Variants in CDH4 observed in about 807,000 individuals in gnomAD.
The protein encoded by CDH4 is cadherin 4.
CDH4 carries 33 observed loss-of-function variants against 86.0 expected under a neutral mutation model. The ratio of observed to expected loss-of-function variants is 0.38; its 90% CI spans 0.29 to 0.51. The LOEUF is 0.51. Ranked by LOEUF, CDH4 falls within the 20% of genes least tolerant of loss-of-function variation. The pLI, the probability that CDH4 is intolerant of heterozygous loss-of-function variation, is 0.86. For missense variants in CDH4, 1,114 were observed against 1,307.4 expected (o/e 0.85, Z 2.28); for synonymous variants, 555 against 549.4 (o/e 1.01, Z -0.14).
chr20:61,912,160 C>T (rs907233382), intron 9 of CDH4, among the ~76,000 whole-genome samples: 4 of 152,208 alleles, frequency 2.6e-5, no homozygotes, highest in Non-Finnish European at 4.4e-5. Context: ...GCTCACCCCT[C>T]CTTTATTAAG....
At chr20:61,729,435 C>CT (rs886664878) in intron 2 of CDH4, among the ~76,000 whole-genome samples, 7 of 152,292 alleles carry the variant, frequency 4.6e-5, no homozygotes, top group East Asian at 1.9e-4. Context: ...TACACCTGCA[C>CT]TTTTTTTCTT....
intron 2 of CDH4, among the ~76,000 whole-genome samples, chr20:61,299,318 T>A (rs888815310): frequency 1.3e-5 from 2 of 152,100 alleles, no homozygotes; most frequent in African/African-American, 4.8e-5. Context: ...CTCCTCCCAA[T>A]GGGTCCCAGA....
In CDH4 at chr20:61,474,417, C is replaced by T. The variant is rs542636858; in HGVS notation, c.169+219480C>T. On this transcript the variant is annotated intron_variant, in intron 2 of 15. Coordinates refer to ENST00000614565, the MANE Select transcript of CDH4 (RefSeq NM_001794.5). ...CTAAAACTCCTGACCTCAGGCAATC[C>T]GCTCACCTCGGCCTCCCAAAGTGCT... Among the ~76,000 whole-genome samples the T allele has an allele frequency of 9.9e-5, 15 of 151,168 alleles. No homozygotes were observed. The East Asian group carries it at 2.3e-3, about 24-fold the overall frequency.
In CDH4 at chr20:61,681,640, C is replaced by T. The variant is rs533071893; in HGVS notation, c.170-61923C>T. Reference sequence around the variant, plus strand: ...GATCCCCCTGCAGGAAGCCCGGAATCCCTTCCACAGGCACAGAGCTGAGGG... The same window carrying T: ...GATCCCCCTGCAGGAAGCCCGGAATTCCTTCCACAGGCACAGAGCTGAGGG... On this transcript the variant is annotated intron_variant, in intron 2 of 15. Transcript: ENST00000614565. This position sits in a 1 kb window ranked among gnomAD's most constrained non-coding sequence, Gnocchi z 4.5. Among the ~76,000 whole-genome samples the T allele has an allele frequency of 3.3e-5, 5 of 152,328 alleles. No individual in the cohort carries two copies. In the East Asian group the frequency reaches 9.6e-4, roughly 29 times the overall value.
chr20:61,565,193 T>TTGGTGGTAGGTGGTGGTGGTGGTGG (rs1568688309), intron 2 of CDH4, among the ~76,000 whole-genome samples: 1 of 83,524 alleles, frequency 1.2e-5, no homozygotes, highest in African/African-American at 4.8e-5. Context: ...GGTGGTCCTC[T>TTGGTGGTAGGTGGTGGTGGTGGTGG]TGGTGGTGGT....
At chr20:61,606,122 G>A (rs959677437) in intron 2 of CDH4, among the ~76,000 whole-genome samples, 5 of 152,286 alleles carry the variant, frequency 3.3e-5, no homozygotes, top group Middle Eastern at 3.4e-3. Flanking sequence ...TCCTGAGGCC[G>A]GGCTGAACGG....
intron 2 of CDH4, among the ~76,000 whole-genome samples, chr20:61,674,386 G>T (rs943356487): frequency 6.6e-6 from 1 of 152,212 alleles, no homozygotes; most frequent in Admixed American, 6.5e-5. Context: ...AGGCTAAGGA[G>T]GGTGGGCATT....
chr20:61,617,352 T>C (rs2086733521), intron 2 of CDH4, among the ~76,000 whole-genome samples: 1 of 152,104 alleles, frequency 6.6e-6, no homozygotes, highest in Admixed American at 6.6e-5. Context: ...AAGGCATGAA[T>C]TGTCAACTGA....
intron 2 of CDH4, among the ~76,000 whole-genome samples, chr20:61,691,435 ATGTGTGTC>A (rs2087653664): frequency 1.3e-5 from 2 of 150,428 alleles, no homozygotes; most frequent in South Asian, 2.1e-4. Flanking sequence ...GTGCGTGTGC[ATGTGTGTC>A]TGTGTGTATG....
rs923228545 is a variant in CDH4, at chr20:61,510,095, C to T, written c.170-233468C>T. ...AATGTTCTATTGAAAGTCTATGTAA[C>T]TCTGTGAGTGTTTTCCAGTGGAGTG... On this transcript the variant is annotated intron_variant, in intron 2 of 15. Transcript: ENST00000614565. The surrounding 1 kb of genome is among the most constrained non-coding windows in gnomAD (Gnocchi z 4.2). Among the ~76,000 whole-genome samples, 4 of 152,196 alleles carry T rather than the reference C, an allele frequency of 2.6e-5. No homozygotes were observed. The highest frequency in any genetic ancestry group is 9.7e-5 in the African/African-American group (4 of 41,444).
chr20:61,590,878 G>GT (rs2086513726), intron 2 of CDH4, among the ~76,000 whole-genome samples: 1 of 59,884 alleles, frequency 1.7e-5, no homozygotes, highest in African/African-American at 6.5e-5. Context: ...TAAATCTATG[G>GT]GGGGGGGGGT....
At chr20:61,268,538 C>T (rs370721202) in intron 2 of CDH4, among the ~76,000 whole-genome samples, 1 of 152,204 alleles carries the variant, frequency 6.6e-6, no homozygotes, top group Non-Finnish European at 1.5e-5. Flanking sequence ...GTATTTGTCC[C>T]TTCCAAATCT....
chr20:61,612,448 C>T (rs1357735079), intron 2 of CDH4, among the ~76,000 whole-genome samples: 1 of 152,040 alleles, frequency 6.6e-6, no homozygotes, highest in East Asian at 1.9e-4. Context: ...ATGCTGTGGG[C>T]ATTCCTCCTT....
intron 2 of CDH4, among the ~76,000 whole-genome samples, chr20:61,716,367 G>A (rs1181447497): frequency 1.3e-5 from 2 of 151,702 alleles, no homozygotes; most frequent in African/African-American, 4.8e-5. Flanking sequence ...CCTCGCCTGT[G>A]AGCCTCCTCT....
At chr20:61,758,708 C>T (rs1199879286) in intron 3 of CDH4, among the ~76,000 whole-genome samples, 1 of 152,226 alleles carries the variant, frequency 6.6e-6, no homozygotes, top group Non-Finnish European at 1.5e-5. Context: ...ACCCCAGCTC[C>T]ATGTCTGTCT....
chr20:61,565,341 T>C lies in CDH4; in HGVS notation c.170-178222T>C, dbSNP rs1442243555. On this transcript the variant is annotated intron_variant, in intron 2 of 15. Transcript: ENST00000614565. Reference sequence around the variant, plus strand: ...GCGGTGCTCTTGGTGATGGTGGTAGTGGTCCTCTTGGTGATGGGGTGATGG... The same window carrying C: ...GCGGTGCTCTTGGTGATGGTGGTAGCGGTCCTCTTGGTGATGGGGTGATGG... Among the ~76,000 whole-genome samples, 231 of 68,306 alleles carry C rather than the reference T, an allele frequency of 3.4e-3. 39 individuals are homozygous for C. Among genetic ancestry groups the C allele is most frequent in the Middle Eastern group, 0.033 (4 of 120 alleles). The allele number at this position is 68,306 out of a possible 152,430, so 44.8% of individuals were successfully genotyped here. A position where few individuals can be genotyped will look rare whatever the true frequency, so the allele number is the denominator to read the frequency against.
chr20:61,892,327 G>T (rs1365827025), intron 7 of CDH4, among the ~76,000 whole-genome samples: 1 of 152,214 alleles, frequency 6.6e-6, no homozygotes, highest in Non-Finnish European at 1.5e-5. Flanking sequence ...GCTGTCATGG[G>T]GCACCTACTC....
At position 61,872,787 on chromosome 20, in the gene CDH4, G is replaced by A. The variant is rs1179728639; in HGVS notation, c.878-941G>A. Among the ~76,000 whole-genome samples, 3 of 152,266 alleles carry A rather than the reference G, an allele frequency of 2.0e-5. No individual in the cohort carries two copies. The East Asian group carries it at 5.8e-4, about 29-fold the overall frequency. On this transcript the variant is annotated intron_variant, in intron 6 of 15. Coordinates refer to ENST00000614565, the MANE Select transcript of CDH4 (RefSeq NM_001794.5). Reference sequence around the variant, plus strand: ...GAGAGAGCCCGCCGTGCCAGCATCAGGAGACAGCAGTCAGGAGCTCACAGA... The same window carrying A: ...GAGAGAGCCCGCCGTGCCAGCATCAAGAGACAGCAGTCAGGAGCTCACAGA...
At chr20:61,507,912 T>G (rs1327528640) in intron 2 of CDH4, among the ~76,000 whole-genome samples, 1 of 152,178 alleles carries the variant, frequency 6.6e-6, no homozygotes, top group Non-Finnish European at 1.5e-5. Context: ...TCTAAAACTA[T>G]TCTAAAATAA....
Sources: allele counts gnomAD v4.1 joint callset (sites outside exome capture counted in the v4.1 genomes callset), GRCh38; gene constraint gnomAD v4.1.1; non-coding constraint Gnocchi (gnomAD v3.1); transcripts MANE v1.5; gene names NCBI Gene and HGNC (gene_info 2026-07-23, HGNC 2026-07-21).